The following TGFBR3 variants were observed in gnomAD, a reference collection of about 807,000 sequenced individuals.
The protein encoded by TGFBR3 is transforming growth factor beta receptor 3.
A neutral mutation model predicts 87.9 loss-of-function variants in TGFBR3; 46 were observed. The ratio of observed to expected loss-of-function variants is 0.52; its 90% CI spans 0.41 to 0.67. The LOEUF is 0.67. Among genes scored for constraint, TGFBR3 ranks in the 30% least tolerant of loss-of-function variants. The pLI, the probability that TGFBR3 is intolerant of heterozygous loss-of-function variation, is 0.00. For missense variants in TGFBR3, 866 were observed against 1,041.9 expected (o/e 0.83, Z 2.32); for synonymous variants, 381 against 391.6 (o/e 0.97, Z 0.32).
intron 2 of TGFBR3, among the ~76,000 whole-genome samples, chr1:91,834,417 G>A (rs1300290021): frequency 1.3e-5 from 2 of 152,208 alleles, no homozygotes; most frequent in African/African-American, 2.4e-5. Context: ...CTTTGGTTCA[G>A]GCCTGAAGAA....
intron 2 of TGFBR3, among the ~76,000 whole-genome samples, chr1:91,805,634 G>A (rs1411759104): frequency 2.6e-5 from 4 of 152,338 alleles, no homozygotes; most frequent in South Asian, 2.1e-4. Context: ...CCCACCGCTC[G>A]GGTGCTCAGC....
chr1:91,830,236 C>G (rs141057307), intron 2 of TGFBR3, among the ~76,000 whole-genome samples: 402 of 152,294 alleles, frequency 2.6e-3, no homozygotes, highest in Middle Eastern at 6.8e-3. Context: ...TCTGGCATAA[C>G]CAAGATCAGC....
intron 3 of TGFBR3, among the ~76,000 whole-genome samples, chr1:91,791,867 C>A (rs554323369): frequency 6.6e-6 from 1 of 152,308 alleles, no homozygotes; most frequent in East Asian, 1.9e-4. Context: ...AGGTGGCTGG[C>A]CCACAGGAGA....
At chr1:91,847,685 T>C (rs1677556036) in intron 2 of TGFBR3, among the ~76,000 whole-genome samples, 1 of 149,962 alleles carries the variant, frequency 6.7e-6, no homozygotes, top group Admixed American at 6.6e-5. Flanking sequence ...CTAGCAGAAA[T>C]GAGGTATACC....
In TGFBR3 at chr1:91,780,884, TACACACACACAC is replaced by T. The variant is rs56862200; in HGVS notation, c.246+16391_246+16402del. 5.4e-3 allele frequency among the ~76,000 whole-genome samples: 719 copies of T among 132,614 alleles called. 8 individuals are homozygous for T. The highest frequency in any genetic ancestry group is 9.6e-3 in the African/African-American group (330 of 34,550). 87.0% of individuals were successfully genotyped at this position (132,614 alleles called of 152,430 possible). On this transcript the variant is annotated intron_variant, in intron 3 of 16. Transcript: ENST00000212355. ...TCCTAAGGCTTTTAAACTAGAGAAC[TACACACACACAC>T]ACACACACACACACACACACACACA...
chr1:91,804,939 G>A (rs980456931), intron 2 of TGFBR3, among the ~76,000 whole-genome samples: 24 of 152,214 alleles, frequency 1.6e-4, no homozygotes, highest in African/African-American at 3.9e-4. Context: ...GTGTTACCAC[G>A]TAAGGATCAA....
In TGFBR3 at chr1:91,682,215, A is replaced by ACAAC. The variant is rs1312182016; in HGVS notation, c.*1520_*1523dup. On this transcript the variant is annotated 3_prime_UTR_variant, in exon 17 of 17. Coordinates refer to ENST00000212355, the MANE Select transcript of TGFBR3 (RefSeq NM_003243.5). ...TTACCTACTGAGGTTCCATTCACAGACAACCAGGCATAACTTCCTTATTTT... is the reference window on the plus strand; with the variant it reads ...TTACCTACTGAGGTTCCATTCACAGACAACCAACCAGGCATAACTTCCTTATTTT... The ACAAC allele has an allele frequency of 2.2e-6, 1 of 453,938 alleles. No homozygotes were observed. Among genetic ancestry groups the ACAAC allele is most frequent in the Admixed American group, 2.4e-5 (1 of 42,550 alleles). 28.1% of individuals were successfully genotyped at this position (453,938 alleles called of 1,614,324 possible).
At chr1:91,862,557 G>A (rs1489821334) in intron 1 of TGFBR3, among the ~76,000 whole-genome samples, 1 of 152,172 alleles carries the variant, frequency 6.6e-6, no homozygotes, top group Non-Finnish European at 1.5e-5. Context: ...TTCCTATCCA[G>A]AGTCTTCAAT....
At chr1:91,824,783 A>C (rs1228615243) in intron 2 of TGFBR3, among the ~76,000 whole-genome samples, 1 of 152,172 alleles carries the variant, frequency 6.6e-6, no homozygotes, top group East Asian at 1.9e-4. Flanking sequence ...AAGATGATGA[A>C]ACCCCATCTC....
intron 2 of TGFBR3, among the ~76,000 whole-genome samples, chr1:91,812,240 T>C (rs1332035787): frequency 1.3e-5 from 2 of 152,210 alleles, no homozygotes; most frequent in Non-Finnish European, 2.9e-5. Context: ...TATTTCATAT[T>C]CCTTTCTTCC....
intron 4 of TGFBR3, among the ~76,000 whole-genome samples, chr1:91,754,437 A>T (rs553488281): frequency 6.6e-6 from 1 of 152,306 alleles, no homozygotes; most frequent in East Asian, 1.9e-4. Flanking sequence ...AAACTATAAG[A>T]TTATTACAAC....
At position 91,686,667 on chromosome 1, in the gene TGFBR3, G is replaced by A. The variant is rs576170816; in HGVS notation, c.2438-2810C>T. ...AGAAAAATTCACCATGAGGAAGAAA[G>A]TTGAATGTACAGATGCTTCTACTTA... On this transcript the variant is annotated intron_variant, in intron 16 of 16. Transcript: ENST00000212355. 3.2e-4 allele frequency among the ~76,000 whole-genome samples: 48 copies of A among 152,328 alleles called. No individual in the cohort carries two copies. The South Asian group carries it at 9.9e-3, about 32-fold the overall frequency.
intron 5 of TGFBR3, among the ~76,000 whole-genome samples, chr1:91,732,675 G>A (rs1204410962): frequency 2.6e-5 from 4 of 152,122 alleles, no homozygotes; most frequent in African/African-American, 4.8e-5. Flanking sequence ...CTCTCTCCAC[G>A]GCATGGCCCG....
intron 2 of TGFBR3, among the ~76,000 whole-genome samples, chr1:91,843,284 A>G (rs1047976509): frequency 6.6e-6 from 1 of 152,154 alleles, no homozygotes; most frequent in African/African-American, 2.4e-5. Flanking sequence ...CATGAATGGT[A>G]TGAGTGTCTT....
At chr1:91,710,176 A>C (rs948270541) in intron 13 of TGFBR3, among the ~76,000 whole-genome samples, 2 of 152,188 alleles carry the variant, frequency 1.3e-5, no homozygotes, top group African/African-American at 4.8e-5. Flanking sequence ...CCAAACACAA[A>C]AGAGCAAAGA....
chr1:91,782,755 G>GT (rs67652285), intron 3 of TGFBR3, among the ~76,000 whole-genome samples: 152,278 of 152,278 alleles, frequency 1, 76,139 homozygotes, highest in Non-Finnish European at 1. Context: ...TCGACCTTTT[G>GT]TGCTCAGGCC....
intron 3 of TGFBR3, among the ~76,000 whole-genome samples, chr1:91,780,420 T>G (rs969692285): frequency 2.6e-5 from 4 of 152,086 alleles, no homozygotes. Context: ...TTTTAAGACA[T>G]CTGATAAGAA....
intron 3 of TGFBR3, among the ~76,000 whole-genome samples, chr1:91,768,437 C>CTGAA (rs1336098529): frequency 6.6e-6 from 1 of 152,158 alleles, no homozygotes; most frequent in South Asian, 2.1e-4. Context: ...GAATGAATGA[C>CTGAA]TGAATGAAGA....
intron 2 of TGFBR3, among the ~76,000 whole-genome samples, chr1:91,815,310 A>C (rs369799157): frequency 4.8e-3 from 581 of 120,676 alleles, no homozygotes; most frequent in East Asian, 0.02. Context: ...TAAAAATAAA[A>C]TAAAATAAAA....
Sources: gnomAD v4.1 joint callset for allele counts (sites outside exome capture counted in the v4.1 genomes callset) on GRCh38, gnomAD v4.1.1 for gene constraint, MANE v1.5 for transcripts, NCBI Gene and HGNC (gene_info 2026-07-23, HGNC 2026-07-21) for gene names.